Variants in CUX2 observed in about 807,000 individuals in gnomAD.
The protein encoded by CUX2 is cut like homeobox 2, also known as homeobox protein cut-like 2.
Under a neutral mutation model 144.8 loss-of-function variants are expected in CUX2, and 40 were observed. The ratio of observed to expected loss-of-function variants is 0.28; its 90% CI spans 0.21 to 0.36. CUX2 has a LOEUF of 0.36. Among genes scored for constraint, CUX2 ranks in the 10% least tolerant of loss-of-function variants. The pLI is 1.00. For missense variants in CUX2, 1,615 were observed against 1,994.0 expected (o/e 0.81, Z 3.62); for synonymous variants, 827 against 875.6 (o/e 0.94, Z 0.98).
At chr12:111,194,320 A>T (rs964090885) in intron 1 of CUX2, among the ~76,000 whole-genome samples, 6 of 152,188 alleles carry the variant, frequency 3.9e-5, no homozygotes, top group African/African-American at 9.7e-5. Flanking sequence ...CGTCACTGTT[A>T]TTATTCTCTC....
At chr12:111,089,159 G>C (rs766883775) in intron 1 of CUX2, among the ~76,000 whole-genome samples, 1 of 152,230 alleles carries the variant, frequency 6.6e-6, no homozygotes, top group Non-Finnish European at 1.5e-5. Flanking sequence ...CGGTCAGTTT[G>C]CTTTGTCCTG....
intron 1 of CUX2, among the ~76,000 whole-genome samples, chr12:111,082,745 G>A (rs1260484967): frequency 6.6e-6 from 1 of 152,198 alleles, no homozygotes; most frequent in Non-Finnish European, 1.5e-5. Context: ...CCAGAGCAGA[G>A]CATGAGCAAA....
At chr12:111,126,052 G>C (rs891941569) in intron 1 of CUX2, among the ~76,000 whole-genome samples, 11 of 145,876 alleles carry the variant, frequency 7.5e-5, no homozygotes, top group African/African-American at 2.8e-4. Context: ...CGTGGGGGGG[G>C]CGGATTTATT....
chr12:111,099,348 G>A, intron 1 of CUX2: 1 of 350,852 alleles, frequency 2.9e-6, no homozygotes, highest in South Asian at 2.2e-5. Flanking sequence ...CAGAGGCAGT[G>A]CTGCATTTTG....
In CUX2 at chr12:111,347,710, G is replaced by C; in HGVS notation, c.3846G>C (p.Glu1282Asp). 2 of 1,613,856 alleles carry C rather than the reference G, an allele frequency of 1.2e-6. No homozygotes were observed. The highest frequency in any genetic ancestry group is 2.2e-5 in the South Asian group (2 of 91,046). ...AACTGGAGCTTCAGGAGGGCCCTGA[G>C]GAGAACAGCACACCCCTGACCACCC... Reference protein sequence around the residue: ...VKELELQEGPEENSTPLTTQD... With the variant: ...VKELELQEGPDENSTPLTTQD... The change falls in exon 22 of 22, where the codon GAG becomes GAC. Residue 1282 changes from glutamate (E) to aspartate (D), a missense_variant. Physicochemically the swap from Glu to Asp is conservative, Grantham distance 45. This residue lies in a region of CUX2 where 298 missense variants were observed against 330.4 expected (regional missense o/e 0.90). Transcript: ENST00000261726.
intron 4 of CUX2, among the ~76,000 whole-genome samples, chr12:111,291,111 T>C (rs903763687): frequency 5.9e-5 from 9 of 151,538 alleles, no homozygotes; most frequent in Non-Finnish European, 8.8e-5. Context: ...ATGATCCGCC[T>C]ACCTTAGCCT....
At chr12:111,109,217 G>A (rs925920411) in intron 1 of CUX2, among the ~76,000 whole-genome samples, 1 of 152,144 alleles carries the variant, frequency 6.6e-6, no homozygotes, top group Non-Finnish European at 1.5e-5. Flanking sequence ...TTTCTCTACA[G>A]GGAAACCGCC....
Position 111,171,529 on chromosome 12 carries a change from G to T in CUX2, c.64-42671G>T, listed in dbSNP as rs1005552831. ...TGGCTTGTGGGGAAACCCCGGTCCC[G>T]TGTCCCTGTGCACGCAGATGGCTAG... On this transcript the variant is annotated intron_variant, in intron 1 of 21. Transcript: ENST00000261726. The surrounding 1 kb of genome is among the most constrained non-coding windows in gnomAD (Gnocchi z 5.0). Among the ~76,000 whole-genome samples the T allele has an allele frequency of 2.6e-5, 4 of 152,120 alleles. No individual in the cohort carries two copies. The highest frequency in any genetic ancestry group is 6.5e-5 in the Admixed American group (1 of 15,280).
At chr12:111,083,858 C>T (rs1395943856) in intron 1 of CUX2, among the ~76,000 whole-genome samples, 2 of 152,124 alleles carry the variant, frequency 1.3e-5, no homozygotes, top group East Asian at 1.9e-4. Context: ...ACAGGGCAGC[C>T]CGCCTTTGGC....
At chr12:111,076,888 TA>T (rs1871564293) in intron 1 of CUX2, among the ~76,000 whole-genome samples, 1 of 152,220 alleles carries the variant, frequency 6.6e-6, no homozygotes, top group African/African-American at 2.4e-5. Flanking sequence ...CTCCTGTTTT[TA>T]TAAGATATGA....
intron 1 of CUX2, among the ~76,000 whole-genome samples, chr12:111,166,518 A>G (rs900007572): frequency 5.9e-5 from 9 of 152,216 alleles, no homozygotes; most frequent in Admixed American, 5.2e-4. Context: ...AGATATTCTC[A>G]TTTAACCCAC....
chr12:111,169,627 C>T (rs551482471), intron 1 of CUX2, among the ~76,000 whole-genome samples: 1 of 152,324 alleles, frequency 6.6e-6, no homozygotes, highest in East Asian at 1.9e-4. Flanking sequence ...AAAGCCTCCT[C>T]AGTGGCAGGG....
intron 1 of CUX2, among the ~76,000 whole-genome samples, chr12:111,052,699 G>T (rs1283290225): frequency 6.6e-6 from 1 of 152,180 alleles, no homozygotes; most frequent in Non-Finnish European, 1.5e-5. Flanking sequence ...CTGTGTGTGT[G>T]TGTCAGTGCG....
chr12:111,134,849 C>G (rs76977622), intron 1 of CUX2, among the ~76,000 whole-genome samples: 4,873 of 152,174 alleles, frequency 0.032, 261 homozygotes, highest in African/African-American at 0.11. Context: ...AAGGGAACTC[C>G]AGGCAGAAGG....
At chr12:111,049,731 C>T (rs1870171973) in intron 1 of CUX2, among the ~76,000 whole-genome samples, 1 of 152,234 alleles carries the variant, frequency 6.6e-6, no homozygotes, top group Non-Finnish European at 1.5e-5. Context: ...GAACCATGGT[C>T]ACCAAACCCT....
rs558020327 is a variant in CUX2, at chr12:111,235,389, G to C, written c.222+17452G>C. On this transcript the variant is annotated intron_variant, in intron 3 of 21. Transcript: ENST00000261726. The stretch of plus-strand genomic sequence containing the variant: ...TCTCTGGAGGTGTACAGGCAGGAGG[G>C]GGCTGACTCAGAGTTGGGTTGTGCT... Among the ~76,000 whole-genome samples the C allele has an allele frequency of 1.6e-3, 246 of 152,184 alleles. 1 individual carries two copies. Among genetic ancestry groups the C allele is most frequent in the Non-Finnish European group, 2.8e-3 (193 of 67,992 alleles).
At chr12:111,264,411 T>A (rs1884277679) in intron 4 of CUX2, among the ~76,000 whole-genome samples, 1 of 152,114 alleles carries the variant, frequency 6.6e-6, no homozygotes, top group Non-Finnish European at 1.5e-5. Flanking sequence ...TGGCCTAGAC[T>A]TACAAGGGAG....
Position 111,080,310 on chromosome 12 carries a change from A to C in CUX2, c.63+46070A>C, listed in dbSNP as rs571493182. On this transcript the variant is annotated intron_variant, in intron 1 of 21. Coordinates refer to ENST00000261726, the MANE Select transcript of CUX2 (RefSeq NM_015267.4). Reference sequence around the variant, plus strand: ...CCCTGCTGTATTTTCTTTCTTCCTTAGCACTTAACATGATTGAACATTTAT... The same window carrying C: ...CCCTGCTGTATTTTCTTTCTTCCTTCGCACTTAACATGATTGAACATTTAT... 4.6e-5 allele frequency among the ~76,000 whole-genome samples: 7 copies of C among 152,156 alleles called. No homozygotes were observed. In the South Asian group the frequency reaches 1.5e-3, roughly 32 times the overall value.
chr12:111,119,998 C>G (rs1874545897), intron 1 of CUX2, among the ~76,000 whole-genome samples: 1 of 152,156 alleles, frequency 6.6e-6, no homozygotes, highest in African/African-American at 2.4e-5. Context: ...GTGAAGTTTG[C>G]AGTGAGTCAA....
Sources: gnomAD v4.1 joint callset for allele counts (sites outside exome capture counted in the v4.1 genomes callset) on GRCh38, gnomAD v4.1.1 for gene constraint, gnomAD v4.1.1 regional missense constraint, Gnocchi (gnomAD v3.1) non-coding constraint, MANE v1.5 for transcripts, NCBI Gene and HGNC (gene_info 2026-07-23, HGNC 2026-07-21) for gene names.